The following CDK12 variants were observed in gnomAD, a reference collection of about 807,000 sequenced individuals.
CDK12 encodes the protein cyclin dependent kinase 12, also known as cyclin-dependent kinase 12.
CDK12 carries 17 observed loss-of-function variants against 133.8 expected under a neutral mutation model. The ratio of observed to expected loss-of-function variants is 0.13; its 90% CI spans 0.09 to 0.19. The LOEUF (loss-of-function observed/expected upper bound fraction) is 0.19. Among genes scored for constraint, CDK12 ranks in the 10% least tolerant of loss-of-function variants. The pLI is 1.00. For synonymous variants in CDK12, 694 were observed against 683.6 expected (o/e 1.02, Z -0.24); for missense variants, 1,508 against 1,818.7 (o/e 0.83, Z 3.11).
At chr17:39,516,184 C>T (rs1007406915) in intron 9 of CDK12, among the ~76,000 whole-genome samples, 2 of 151,998 alleles carry the variant, frequency 1.3e-5, no homozygotes, top group Non-Finnish European at 1.5e-5. Flanking sequence ...AATAGGTCCC[C>T]GCCTTCAAAG....
intron 4 of CDK12, among the ~76,000 whole-genome samples, chr17:39,493,617 G>C (rs1430116925): frequency 1.3e-5 from 2 of 152,010 alleles, no homozygotes; most frequent in African/African-American, 4.8e-5. Flanking sequence ...GAGCCACCAC[G>C]CCTGGCCAAA....
chr17:39,480,080 C>T (rs1242681670), intron 2 of CDK12, among the ~76,000 whole-genome samples: 5 of 151,772 alleles, frequency 3.3e-5, no homozygotes, highest in East Asian at 1.9e-4. Context: ...CCCGCCATCA[C>T]GCCTAGCTAA....
intron 1 of CDK12, among the ~76,000 whole-genome samples, chr17:39,541,389 A>G (rs1687604961): frequency 7.6e-6 from 1 of 131,928 alleles, no homozygotes; most frequent in African/African-American, 3.3e-5. Context: ...TTTTTTTGAG[A>G]CAGAGTCTCG....
chr17:39,479,893 C>G (rs1020332160), intron 2 of CDK12, among the ~76,000 whole-genome samples: 3 of 149,264 alleles, frequency 2.0e-5, no homozygotes, highest in Admixed American at 1.4e-4. Context: ...TCCCAAAGTC[C>G]TGGGATTACA....
At chr17:39,538,909 A>ATACATACATACG (rs1203139893), downstream of CDK12, among the ~76,000 whole-genome samples, 674 of 141,672 alleles carry the variant, frequency 4.8e-3, 5 homozygotes, top group African/African-American at 0.019. Flanking sequence ...AAATAAATAC[A>ATACATACATACG]TACATACATA....
intron 2 of CDK12, among the ~76,000 whole-genome samples, chr17:39,478,836 TGAG>T (rs2050413068): frequency 6.6e-6 from 1 of 152,006 alleles, no homozygotes; most frequent in Non-Finnish European, 1.5e-5. Flanking sequence ...GAAAATGAGA[TGAG>T]GATGTCTTCC....
rs906682398 is a variant in CDK12 at position 39,512,185 on chromosome 17, G to A, written c.2768+555G>A. Among the ~76,000 whole-genome samples, 5 of 152,060 alleles carry A rather than the reference G, an allele frequency of 3.3e-5. No individual in the cohort carries two copies. In the East Asian group the frequency reaches 7.7e-4, roughly 23 times the overall value. ...GCACGCTATATCCTTGAACTCCTGG[G>A]CTCAAGCAATCCTCCTGCCTCAGCC... is the stretch of plus-strand genomic sequence containing the variant. On this transcript the variant is annotated intron_variant, in intron 8 of 13. Transcript: ENST00000447079.
At chr17:39,466,121 A>G (rs779447284) in intron 1 of CDK12, among the ~76,000 whole-genome samples, 1 of 151,926 alleles carries the variant, frequency 6.6e-6, no homozygotes, top group East Asian at 2.0e-4. Context: ...CAGCCTGGCC[A>G]GCGTGGTGAA....
intron 13 of CDK12, among the ~76,000 whole-genome samples, chr17:39,527,280 G>A (rs1392027961): frequency 6.6e-6 from 1 of 152,270 alleles, no homozygotes; most frequent in Admixed American, 6.5e-5. Context: ...TTACTTTTCA[G>A]AGGAAAGTGT....
chr17:39,469,816 T>A (rs1308257828), intron 1 of CDK12, among the ~76,000 whole-genome samples: 1 of 152,016 alleles, frequency 6.6e-6, no homozygotes, highest in Non-Finnish European at 1.5e-5. Context: ...TTTGTATTTT[T>A]AGTAGAGACG....
At chr17:39,485,868 G>T (rs943647859) in intron 2 of CDK12, among the ~76,000 whole-genome samples, 3 of 151,924 alleles carry the variant, frequency 2.0e-5, no homozygotes, top group African/African-American at 7.3e-5. Flanking sequence ...GCAAGATCCT[G>T]TCTCCAAACA....
intron 2 of CDK12, among the ~76,000 whole-genome samples, chr17:39,555,485 GTAGGAAGTCAGGAACAGCTCCATTCC>G (rs2056119064): frequency 6.6e-6 from 1 of 151,968 alleles, no homozygotes; most frequent in African/African-American, 2.4e-5. Context: ...CACTCCTTGT[GTAGGAAGTCAGGAACAGCTCCATTCC>G]CCCAGCTCTC....
intron 2 of CDK12, among the ~76,000 whole-genome samples, chr17:39,553,073 A>T (rs1433348593): frequency 3.3e-5 from 5 of 152,006 alleles, no homozygotes; most frequent in Non-Finnish European, 7.4e-5. Flanking sequence ...GGGAAGAGGG[A>T]TGACTTGAAG....
At chr17:39,470,233 G>A (rs894900351) in intron 1 of CDK12, among the ~76,000 whole-genome samples, 7 of 150,870 alleles carry the variant, frequency 4.6e-5, no homozygotes, top group Non-Finnish European at 8.8e-5. Flanking sequence ...CCATTCTCCT[G>A]CCTCAGCCTC....
At chr17:39,464,291 G>A (rs2049141774) in intron 1 of CDK12, among the ~76,000 whole-genome samples, 1 of 151,748 alleles carries the variant, frequency 6.6e-6, no homozygotes, top group Non-Finnish European at 1.5e-5. Context: ...CATCATCTTG[G>A]CTCACTGCAG....
intron 2 of CDK12, among the ~76,000 whole-genome samples, chr17:39,555,153 G>A (rs1466325532): frequency 6.6e-6 from 1 of 151,790 alleles, no homozygotes; most frequent in African/African-American, 2.4e-5. Flanking sequence ...GCTGAGGCAG[G>A]GGAATCACTT....
At chr17:39,505,000 G>GCGGACGGATCATGAGGT (rs1441608408) in intron 6 of CDK12, among the ~76,000 whole-genome samples, 1 of 151,576 alleles carries the variant, frequency 6.6e-6, no homozygotes, top group Non-Finnish European at 1.5e-5. Context: ...GGAGGCCGAG[G>GCGGACGGATCATGAGGT]CGGACGGATC....
At position 39,470,897 on chromosome 17, in the gene CDK12, C is replaced by T; in HGVS notation, c.1065C>T (p.Ser355=). ...SPLPSRKSMK[S]RSRSPAYSRH... The stretch of plus-strand genomic sequence containing the variant: ...TTTCCAGTAGGAAATCCATGAAGTC[C>T]AGAAGTAGAAGTCCTGCATATTCAA... Residue 355 remains serine (S), a synonymous_variant, in exon 2 of 14, where the codon TCC becomes TCT. Transcript: ENST00000447079. 6.2e-7 allele frequency: 1 copy of T among 1,605,560 alleles called. No individual in the cohort carries two copies. Among genetic ancestry groups the T allele is most frequent in the Admixed American group, 1.7e-5 (1 of 57,498 alleles).
intron 3 of CDK12, among the ~76,000 whole-genome samples, chr17:39,562,113 C>T (rs1328041835): frequency 6.6e-6 from 1 of 151,958 alleles, no homozygotes; most frequent in Non-Finnish European, 1.5e-5. Flanking sequence ...CTAATTTTTG[C>T]ATTTTTAGTA....
Sources: allele counts gnomAD v4.1 joint callset (sites outside exome capture counted in the v4.1 genomes callset), GRCh38; gene constraint gnomAD v4.1.1; transcripts MANE v1.5; gene names NCBI Gene and HGNC (gene_info 2026-07-23, HGNC 2026-07-21).